PCNX1: variants seen among roughly 807,000 people sequenced by gnomAD.
The protein encoded by PCNX1 is pecanex-like protein 1.
Under a neutral mutation model 242.2 loss-of-function variants are expected in PCNX1, and 78 were observed. The observed-to-expected ratio is 0.32, with a 90% CI of 0.27 to 0.39. PCNX1 has a LOEUF of 0.39. Ranked by LOEUF, PCNX1 falls within the 10% of genes least tolerant of loss-of-function variation. PCNX1 has a pLI of 1.00. For synonymous variants in PCNX1, 1,024 were observed against 1,032.9 expected (o/e 0.99, Z 0.17); for missense variants, 2,581 against 2,856.5 (o/e 0.90, Z 2.20).
chr14:70,945,343 C>T (rs2057414480), intron 1 of PCNX1, among the ~76,000 whole-genome samples: 1 of 152,142 alleles, frequency 6.6e-6, no homozygotes, highest in Admixed American at 6.5e-5. Context: ...AAATATATTT[C>T]CCAACTTAAA....
At chr14:71,000,754 G>C (rs1358772883) in intron 8 of PCNX1, among the ~76,000 whole-genome samples, 1 of 152,130 alleles carries the variant, frequency 6.6e-6, no homozygotes, top group Non-Finnish European at 1.5e-5. Context: ...TCGAGCTCCT[G>C]ACCTCAGGTG....
intron 23 of PCNX1, among the ~76,000 whole-genome samples, chr14:71,051,397 T>C (rs992318944): frequency 2.0e-5 from 3 of 152,114 alleles, no homozygotes; most frequent in African/African-American, 7.2e-5. Flanking sequence ...AGCATTATTT[T>C]TTAATAAATG....
rs2062523736 is a variant in PCNX1 at position 71,103,660 on chromosome 14, C to T, written c.6086C>T (p.Thr2029Ile). The change falls in exon 32 of 36, where the codon ACC becomes ATC. Residue 2029 changes from threonine to isoleucine, a missense_variant. Physicochemically the swap from Thr to Ile is moderately conservative, Grantham distance 89 (BLOSUM62 -1). This residue lies in a region of PCNX1 where 432 missense variants were observed against 433.6 expected (regional missense o/e 1.00). Transcript: ENST00000304743. ...AATATCAGGAACTTCATAGTGTCAA[C>T]CTGGCACAGGTGAGCCAAGGGATTG... Reference protein sequence around the residue: ...LGNIRNFIVSTWHRLRKGCGA... With the variant: ...LGNIRNFIVSIWHRLRKGCGA... The T allele has an allele frequency of 6.2e-7, 1 of 1,613,926 alleles. No individual in the cohort carries two copies. Among genetic ancestry groups the T allele is most frequent in the Non-Finnish European group, 8.5e-7 (1 of 1,179,926 alleles).
chr14:70,964,573 C>A (rs2058322184), intron 3 of PCNX1, among the ~76,000 whole-genome samples: 2 of 152,134 alleles, frequency 1.3e-5, no homozygotes, highest in Admixed American at 6.6e-5. Context: ...TAGTATCAGA[C>A]CCCCAGAGAG....
intron 25 of PCNX1, among the ~76,000 whole-genome samples, chr14:71,056,308 C>T (rs1292288334): frequency 3.9e-5 from 6 of 152,168 alleles, no homozygotes; most frequent in African/African-American, 7.2e-5. Context: ...TAATGACCAT[C>T]GTCATCATGT....
Position 70,974,064 on chromosome 14 carries a change from GTT to G in PCNX1, c.605-2866_605-2865del, listed in dbSNP as rs544807552. On this transcript the variant is annotated intron_variant, in intron 5 of 35. Transcript: ENST00000304743. ...TTTCATATAAACACAATTATATGTG[GTT>G]TTTTTTTTTTTAATGTGTCTGGCTT... 8.1e-3 allele frequency among the ~76,000 whole-genome samples: 1,141 copies of G among 140,526 alleles called. 18 individuals are homozygous for G. The highest frequency in any genetic ancestry group is 0.028 in the African/African-American group (1,067 of 38,554). The allele number at this position is 140,526 out of a possible 152,430, so 92.2% of individuals were successfully genotyped here. A position where few individuals can be genotyped will look rare whatever the true frequency, so the allele number is the denominator to read the frequency against.
chr14:71,096,734 C>G (rs1396575124), intron 30 of PCNX1, among the ~76,000 whole-genome samples: 1 of 152,218 alleles, frequency 6.6e-6, no homozygotes, highest in Admixed American at 6.5e-5. Context: ...TGAATGCTAT[C>G]TTAGATCAAG....
rs2061473036 is a variant in PCNX1, at chr14:71,067,328, G to C, written c.4853-6217G>C. On this transcript the variant is annotated intron_variant, in intron 26 of 35. Coordinates refer to ENST00000304743, the MANE Select transcript of PCNX1 (RefSeq NM_014982.3). ...CTATTCAGGGGTTCAACTTCTTCCT[G>C]GTTTATATGTGGGAGGGTGTATGTG... 2.0e-5 allele frequency among the ~76,000 whole-genome samples: 3 copies of C among 151,908 alleles called. No homozygotes were observed. In the South Asian group the frequency reaches 6.3e-4, roughly 32 times the overall value.
chr14:70,940,634 T>C (rs2057198424), intron 1 of PCNX1, among the ~76,000 whole-genome samples: 3 of 152,192 alleles, frequency 2.0e-5, no homozygotes, highest in Admixed American at 2.0e-4. Flanking sequence ...GGAGTATCTT[T>C]GTGGCATTCT....
At chr14:71,090,697 G>C (rs1311477139) in intron 30 of PCNX1, among the ~76,000 whole-genome samples, 1 of 152,144 alleles carries the variant, frequency 6.6e-6, no homozygotes, top group Non-Finnish European at 1.5e-5. Flanking sequence ...TTCTGGAAAG[G>C]TACCAACTAT....
chr14:71,109,304 C>T (rs1161994714), intron 34 of PCNX1, 148 bp from the exon 35 acceptor site: 3 of 795,776 alleles, frequency 3.8e-6, no homozygotes, highest in Non-Finnish European at 5.9e-6. Context: ...GAAAAGAATT[C>T]AAGATGTAGC....
intron 2 of PCNX1, 28 bp downstream of exon 2, chr14:70,947,151 C>A (rs766033036): frequency 6.9e-7 from 1 of 1,439,174 alleles, no homozygotes; most frequent in Non-Finnish European, 9.7e-7. Flanking sequence ...ATTGATTGAT[C>A]GTAATGATTT....
Position 71,068,591 on chromosome 14 carries a change from CGTGT to C in PCNX1, c.4853-4925_4853-4922del, listed in dbSNP as rs373964832. Reference sequence around the variant, plus strand: ...GACTTTTTAGGTTTGTATGTACGTGCGTGTGTGTGTGTGTGTGTGTGTGTGTGTG... The same window carrying C: ...GACTTTTTAGGTTTGTATGTACGTGCGTGTGTGTGTGTGTGTGTGTGTGTG... On this transcript the variant is annotated intron_variant, in intron 26 of 35. Coordinates refer to ENST00000304743, the MANE Select transcript of PCNX1 (RefSeq NM_014982.3). Among the ~76,000 whole-genome samples, 1,172 of 124,008 alleles carry C rather than the reference CGTGT, an allele frequency of 9.5e-3. 10 individuals carry two copies. Among genetic ancestry groups the C allele is most frequent in the South Asian group, 0.021 (77 of 3,746 alleles). The allele number at this position is 124,008 out of a possible 152,430, so 81.4% of individuals were successfully genotyped here.
At chr14:71,067,166 G>A (rs1196885786) in intron 26 of PCNX1, among the ~76,000 whole-genome samples, 1 of 151,752 alleles carries the variant, frequency 6.6e-6, no homozygotes, top group Non-Finnish European at 1.5e-5. Flanking sequence ...TTTATTGTTT[G>A]GAATAGTTTC....
Position 71,055,553 on chromosome 14 carries a change from A to G in PCNX1, c.4627A>G (p.Arg1543Gly). The part of the protein sequence containing the change: ...SNTRLASQLD[R>G]NPGSDDNNLN... ...TACCAGATTGGCTTCCCAGCTTGAT[A>G]GAAATCCAGGTAATAGCTCTATTTG... The change falls in exon 25 of 36, where the codon AGA (arginine) becomes GGA (glycine). Residue 1543 changes from arginine (R) to glycine (G), a missense_variant. Arg to Gly is a moderately radical substitution (Grantham distance 125). Around this residue, in one of 9 missense-constraint regions of PCNX1, gnomAD observed 99 missense variants for 147.3 expected, o/e 0.67. Coordinates refer to ENST00000304743, the MANE Select transcript of PCNX1 (RefSeq NM_014982.3). The G allele has an allele frequency of 6.2e-7, 1 of 1,601,660 alleles. No homozygotes were observed. The highest frequency in any genetic ancestry group is 8.6e-7 in the Non-Finnish European group (1 of 1,169,500).
At chr14:70,980,379 A>C (rs1234139206) in intron 6 of PCNX1, among the ~76,000 whole-genome samples, 2 of 151,826 alleles carry the variant, frequency 1.3e-5, no homozygotes, top group Non-Finnish European at 2.9e-5. Flanking sequence ...TTTTTAATTT[A>C]AATAACTCAA....
At position 71,111,921 on chromosome 14, in the gene PCNX1, C is replaced by T. The variant is rs537714124; in HGVS notation, c.*1986C>T. 6.6e-6 allele frequency: 1 copy of T among 152,494 alleles called. No homozygotes were observed. The highest frequency in any genetic ancestry group is 1.5e-5 in the Non-Finnish European group (1 of 67,912). The allele number at this position is 152,494 out of a possible 1,614,324, so 9.4% of individuals were successfully genotyped here. A position where few individuals can be genotyped will look rare whatever the true frequency, so the allele number is the denominator to read the frequency against. Reference sequence around the variant, plus strand: ...TACCGTCATTATGTTCTGCATTTGCCTCATTTTGGCAGATCTACAGTATGC... The same window carrying T: ...TACCGTCATTATGTTCTGCATTTGCTTCATTTTGGCAGATCTACAGTATGC... On this transcript the variant is annotated 3_prime_UTR_variant, in exon 36 of 36. Coordinates refer to ENST00000304743, the MANE Select transcript of PCNX1 (RefSeq NM_014982.3).
chr14:71,028,764 G>A lies in PCNX1; in HGVS notation c.3531G>A (p.Leu1177=), dbSNP rs531222723. The change falls in exon 16 of 36, where the codon TTG becomes TTA. Residue 1177 remains leucine (L), a synonymous_variant. Transcript: ENST00000304743. ...FICSIVAVAL[L]YGLCYGALKD... is the part of the protein sequence containing the mutation. The stretch of plus-strand genomic sequence containing the variant: ...GTAGCATTGTTGCAGTAGCCTTATT[G>A]TATGGATTATGTTATGGGGCTTTAA... 10 of 1,605,122 alleles carry A rather than the reference G, an allele frequency of 6.2e-6. No individual in the cohort carries two copies. The highest frequency in any genetic ancestry group is 1.7e-4 in the Middle Eastern group (1 of 5,852).
At chr14:70,986,102 C>T (rs910614889) in intron 6 of PCNX1, among the ~76,000 whole-genome samples, 2 of 152,172 alleles carry the variant, frequency 1.3e-5, no homozygotes, top group African/African-American at 2.4e-5. Flanking sequence ...GACCCCTACT[C>T]GACTATTCCA....
Sources: gnomAD v4.1 joint callset for allele counts (sites outside exome capture counted in the v4.1 genomes callset) on GRCh38, gnomAD v4.1.1 for gene constraint, gnomAD v4.1.1 regional missense constraint, MANE v1.5 for transcripts, NCBI Gene and HGNC (gene_info 2026-07-23, HGNC 2026-07-21) for gene names.